The following GRM3 variants were observed in gnomAD, a reference collection of about 807,000 sequenced individuals.
GRM3 encodes the protein metabotropic glutamate receptor 3.
In GRM3, 26 loss-of-function variants were observed where a neutral mutation model predicts 70.5. That is an observed-to-expected ratio of 0.37 (90% confidence interval 0.27 to 0.51). GRM3 has a LOEUF of 0.51. Among genes scored for constraint, GRM3 ranks in the 20% least tolerant of loss-of-function variants. The pLI, the probability that GRM3 is intolerant of heterozygous loss-of-function variation, is 0.93. For synonymous variants in GRM3, 443 were observed against 434.9 expected, an observed-to-expected ratio of 1.02 and a Z score of -0.23; for missense variants, 859 against 1,123.8, an observed-to-expected ratio of 0.76 and a Z score of 3.37.
At chr7:86,713,434 G>C (rs1795244190) in intron 1 of GRM3, among the ~76,000 whole-genome samples, 1 of 151,986 alleles carries the variant, frequency 6.6e-6, no homozygotes, top group Admixed American at 6.6e-5. Context: ...TATGTCTCAT[G>C]TAACTATCAC....
At chr7:86,783,688 T>C (rs995159498) in intron 2 of GRM3, among the ~76,000 whole-genome samples, 26 of 152,144 alleles carry the variant, frequency 1.7e-4, no homozygotes, top group Non-Finnish European at 4.4e-5. Context: ...TCCCATGGTG[T>C]TTACTTTTAA....
chr7:86,860,514 T>C (rs1742943450), intron 5 of GRM3, among the ~76,000 whole-genome samples: 1 of 152,122 alleles, frequency 6.6e-6, no homozygotes, highest in Admixed American at 6.5e-5. Flanking sequence ...CATTAAAAAG[T>C]ATTTAGGGGA....
chr7:86,662,724 T>G (rs189493417), intron 1 of GRM3, among the ~76,000 whole-genome samples: 2 of 152,124 alleles, frequency 1.3e-5, no homozygotes, highest in East Asian at 3.9e-4. Context: ...GAAATCAATT[T>G]CTGAAGCTAT....
intron 1 of GRM3, among the ~76,000 whole-genome samples, chr7:86,743,576 C>G (rs201843094): frequency 6.6e-6 from 1 of 152,122 alleles, no homozygotes; most frequent in Admixed American, 6.6e-5. Context: ...AAAGCCATCC[C>G]TGTGACCAGG....
intron 2 of GRM3, among the ~76,000 whole-genome samples, chr7:86,779,301 A>C (rs938626576): frequency 1.3e-5 from 2 of 152,218 alleles, no homozygotes; most frequent in East Asian, 3.9e-4. Context: ...TAAAAAAATG[A>C]ATATGACTAG....
chr7:86,843,695 A>T (rs971843873), intron 4 of GRM3, among the ~76,000 whole-genome samples: 4 of 152,180 alleles, frequency 2.6e-5, no homozygotes, highest in African/African-American at 9.6e-5. Flanking sequence ...TTGAGGACTT[A>T]TTATAGGCCT....
At chr7:86,703,237 C>G (rs1395091250) in intron 1 of GRM3, among the ~76,000 whole-genome samples, 1 of 151,894 alleles carries the variant, frequency 6.6e-6, no homozygotes, top group Non-Finnish European at 1.5e-5. Context: ...ATCCTAGAGA[C>G]AGGCAAAGTT....
chr7:86,651,210 A>G (rs1562813047), intron 1 of GRM3, among the ~76,000 whole-genome samples: 1 of 152,128 alleles, frequency 6.6e-6, no homozygotes, highest in Non-Finnish European at 1.5e-5. Context: ...ACTTCTTTTC[A>G]CACAACCAAA....
intron 2 of GRM3, among the ~76,000 whole-genome samples, chr7:86,770,307 TAGAA>T (rs1360820494): frequency 2.0e-5 from 3 of 152,074 alleles, no homozygotes; most frequent in Admixed American, 6.6e-5. Context: ...GTTAAGCTCA[TAGAA>T]AGGGCAGAAG....
At chr7:86,679,851 C>T (rs976533621) in intron 1 of GRM3, among the ~76,000 whole-genome samples, 1 of 151,974 alleles carries the variant, frequency 6.6e-6, no homozygotes, top group Non-Finnish European at 1.5e-5. Context: ...ATACCCAGTA[C>T]AGAAAAATTT....
At position 86,864,457 on chromosome 7, in the gene GRM3, C is replaced by A; in HGVS notation, c.*102C>A. 2 of 838,468 alleles carry A rather than the reference C, an allele frequency of 2.4e-6. No individual in the cohort carries two copies. Among genetic ancestry groups the A allele is most frequent in the Non-Finnish European group, 4.2e-6 (2 of 474,438 alleles). The allele number at this position is 838,468 out of a possible 1,614,324, so 51.9% of individuals were successfully genotyped here. On this transcript the variant is annotated 3_prime_UTR_variant, in exon 6 of 6. Coordinates refer to ENST00000361669, the MANE Select transcript of GRM3 (RefSeq NM_000840.3). The stretch of plus-strand genomic sequence containing the variant: ...ACAGAGCAAAAGAACAACCCTAGTA[C>A]CTTTTTTTAGAAACAGTACGATAAA...
At chr7:86,778,215 CATT>C (rs1356296913) in intron 2 of GRM3, among the ~76,000 whole-genome samples, 4 of 152,154 alleles carry the variant, frequency 2.6e-5, no homozygotes, top group African/African-American at 9.7e-5. Context: ...CTGTAAATAA[CATT>C]CTTCTTGGAA....
intron 3 of GRM3, among the ~76,000 whole-genome samples, chr7:86,790,490 G>T (rs1797382022): frequency 6.6e-6 from 1 of 152,080 alleles, no homozygotes; most frequent in Non-Finnish European, 1.5e-5. Flanking sequence ...TTCTCTACAT[G>T]ATAGCCAGGA....
At chr7:86,657,547 G>C (rs779771464) in intron 1 of GRM3, among the ~76,000 whole-genome samples, 1 of 152,158 alleles carries the variant, frequency 6.6e-6, no homozygotes, top group Non-Finnish European at 1.5e-5. Flanking sequence ...TAGAGTGTAT[G>C]GGGGTCAGGG....
At chr7:86,826,785 G>A (rs1160235766) in intron 3 of GRM3, among the ~76,000 whole-genome samples, 1 of 152,106 alleles carries the variant, frequency 6.6e-6, no homozygotes, top group Non-Finnish European at 1.5e-5. Flanking sequence ...TTGTTCTGAA[G>A]GTGTGTCTTG....
chr7:86,794,200 T>A (rs1797493356), intron 3 of GRM3, among the ~76,000 whole-genome samples: 1 of 152,200 alleles, frequency 6.6e-6, no homozygotes, highest in African/African-American at 2.4e-5. Context: ...CTGGAAACTT[T>A]GTCATAGTAG....
intron 3 of GRM3, among the ~76,000 whole-genome samples, chr7:86,827,883 C>T (rs1283930425): frequency 3.3e-5 from 5 of 152,096 alleles, no homozygotes; most frequent in Non-Finnish European, 5.9e-5. Context: ...GAGGCCAAGG[C>T]GGGCGGAACA....
At chr7:86,692,537 C>T (rs113797253) in intron 1 of GRM3, among the ~76,000 whole-genome samples, 1 of 152,216 alleles carries the variant, frequency 6.6e-6, no homozygotes, top group Non-Finnish European at 1.5e-5. Context: ...CACATATCCA[C>T]CTATGCACCT....
At chr7:86,764,452 T>C (rs777874053) in intron 1 of GRM3, among the ~76,000 whole-genome samples, 15 of 152,144 alleles carry the variant, frequency 9.9e-5, no homozygotes, top group Non-Finnish European at 1.9e-4. Flanking sequence ...AGGCAGACTC[T>C]TAACCTCAAT....
Sources: allele counts gnomAD v4.1 joint callset (sites outside exome capture counted in the v4.1 genomes callset), GRCh38; gene constraint gnomAD v4.1.1; transcripts MANE v1.5; gene names NCBI Gene and HGNC (gene_info 2026-07-23, HGNC 2026-07-21).